The following SPAG16 variants were observed in gnomAD, a reference collection of about 807,000 sequenced individuals.
SPAG16 encodes sperm associated antigen 16.
A neutral mutation model predicts 80.4 loss-of-function variants in SPAG16; 86 were observed. The ratio of observed to expected loss-of-function variants is 1.07; its 90% CI spans 0.90 to 1.28. SPAG16 has a LOEUF of 1.28. Ranked by LOEUF, SPAG16 falls within the 50% of genes most tolerant of loss-of-function variation. The probability of loss-of-function intolerance (pLI) is 0.00; values close to 1 mark genes in which losing one functional copy is unlikely to be tolerated. For synonymous variants in SPAG16, 294 were observed against 265.9 expected, an observed-to-expected ratio of 1.11 and a Z score of -1.03; for missense variants, 870 against 765.3, an observed-to-expected ratio of 1.14 and a Z score of -1.61.
intron 13 of SPAG16, among the ~76,000 whole-genome samples, chr2:214,072,386 G>A (rs2050829352): frequency 6.6e-6 from 1 of 152,054 alleles, no homozygotes; most frequent in African/African-American, 2.4e-5. Flanking sequence ...TTAAAAAATT[G>A]CTGGCAGATA....
intron 10 of SPAG16, among the ~76,000 whole-genome samples, chr2:213,724,568 C>T (rs561910962): frequency 5.4e-4 from 82 of 151,266 alleles, no homozygotes; most frequent in Middle Eastern, 3.4e-3. Context: ...ACCTGAGGTC[C>T]GGAGTTCGAG....
rs146242154 is a variant in SPAG16 at position 214,027,592 on chromosome 2, A to G, written c.1527+13515A>G. Among the ~76,000 whole-genome samples the G allele has an allele frequency of 6.2e-4, 94 of 151,932 alleles. 1 individual carries two copies. The East Asian group carries it at 6.8e-3, about 11-fold the overall frequency. ...TATAAGATGTTGACAATTCCTAGCT[A>G]TATACTCTTTCCAGCAATCCATCTG... On this transcript the variant is annotated intron_variant, in intron 13 of 15. Transcript: ENST00000331683.
intron 10 of SPAG16, among the ~76,000 whole-genome samples, chr2:213,665,279 AC>A (rs1168313892): frequency 7.9e-5 from 12 of 152,082 alleles, no homozygotes; most frequent in Admixed American, 7.2e-4. Context: ...ATTTCACTGT[AC>A]AAAAAGGTTA....
chr2:213,721,145 GGC>G (rs2066515487), intron 10 of SPAG16, among the ~76,000 whole-genome samples: 1 of 151,994 alleles, frequency 6.6e-6, no homozygotes, highest in Non-Finnish European at 1.5e-5. Context: ...CTGTAACCCA[GGC>G]TGAGTGCAGT....
Position 214,410,496 on chromosome 2 carries a change from T to C in SPAG16, c.*181T>C, listed in dbSNP as rs76671747. On this transcript the variant is annotated 3_prime_UTR_variant, in exon 16 of 16. Transcript: ENST00000331683. Reference sequence around the variant, plus strand: ...TGTTACTAATAAAAAAATAACTTTATGCTCACCCATTTGTGTCAGGGTCTT... The same window carrying C: ...TGTTACTAATAAAAAAATAACTTTACGCTCACCCATTTGTGTCAGGGTCTT... The C allele has an allele frequency of 0.031, 14,541 of 465,940 alleles. 1,611 individuals are homozygous for C. The highest frequency in any genetic ancestry group is 0.25 in the African/African-American group (12,741 of 50,526). 28.9% of individuals were successfully genotyped at this position (465,940 alleles called of 1,614,324 possible). A position where few individuals can be genotyped will look rare whatever the true frequency, so the allele number is the denominator to read the frequency against.
intron 15 of SPAG16, among the ~76,000 whole-genome samples, chr2:214,383,455 C>G (rs1183002983): frequency 6.6e-6 from 1 of 151,684 alleles, no homozygotes; most frequent in South Asian, 2.1e-4. Flanking sequence ...CCTGTAGTCC[C>G]AGCTGCTTGG....
intron 10 of SPAG16, among the ~76,000 whole-genome samples, chr2:213,581,229 C>G (rs1195271542): frequency 1.3e-5 from 2 of 151,920 alleles, no homozygotes; most frequent in African/African-American, 2.4e-5. Flanking sequence ...TACTCTATTT[C>G]TTTTTTGAGA....
intron 15 of SPAG16, among the ~76,000 whole-genome samples, chr2:214,177,615 T>G (rs1166466893): frequency 6.6e-6 from 1 of 150,772 alleles, no homozygotes; most frequent in Non-Finnish European, 1.5e-5. Context: ...GTAAGAATTA[T>G]GACAGAAGGT....
chr2:214,338,338 A>G (rs1482883680), intron 15 of SPAG16, among the ~76,000 whole-genome samples: 2 of 151,780 alleles, frequency 1.3e-5, no homozygotes, highest in Non-Finnish European at 2.9e-5. Flanking sequence ...ATATGGTGAA[A>G]CCCCGTCTCT....
At chr2:213,390,712 T>C (rs2067697730) in intron 9 of SPAG16, among the ~76,000 whole-genome samples, 1 of 152,202 alleles carries the variant, frequency 6.6e-6, no homozygotes, top group Non-Finnish European at 1.5e-5. Context: ...CAGAGCTTAT[T>C]ATAAGAAAAA....
At chr2:213,908,920 C>G (rs1242413705) in intron 11 of SPAG16, among the ~76,000 whole-genome samples, 4 of 151,730 alleles carry the variant, frequency 2.6e-5, no homozygotes, top group Non-Finnish European at 2.9e-5. Flanking sequence ...CTATCCCTCC[C>G]TCCTCCCCCC....
At chr2:214,296,100 G>A (rs1283553866) in intron 15 of SPAG16, among the ~76,000 whole-genome samples, 1 of 151,996 alleles carries the variant, frequency 6.6e-6, no homozygotes, top group Non-Finnish European at 1.5e-5. Context: ...ACATCTTTAT[G>A]TCCATGTGTA....
intron 13 of SPAG16, among the ~76,000 whole-genome samples, chr2:214,044,467 G>A (rs2049203171): frequency 6.6e-6 from 1 of 152,074 alleles, no homozygotes; most frequent in Admixed American, 6.6e-5. Context: ...ATTATTTGGG[G>A]GAGGGTGGAA....
At chr2:213,831,135 G>A (rs754731395) in intron 10 of SPAG16, among the ~76,000 whole-genome samples, 37 of 146,172 alleles carry the variant, frequency 2.5e-4, no homozygotes, top group Non-Finnish European at 4.3e-4. Context: ...AGCCTCCTGA[G>A]TTCAAGCGAT....
At chr2:214,034,569 G>A (rs891982604) in intron 13 of SPAG16, among the ~76,000 whole-genome samples, 3 of 152,214 alleles carry the variant, frequency 2.0e-5, no homozygotes, top group Admixed American at 6.5e-5. Flanking sequence ...GACAGCATGG[G>A]GTCTAGCCAC....
intron 15 of SPAG16, among the ~76,000 whole-genome samples, chr2:214,356,967 A>G (rs1368450596): frequency 6.6e-6 from 1 of 151,808 alleles, no homozygotes; most frequent in Non-Finnish European, 1.5e-5. Context: ...TGTCTCTAAT[A>G]CCCTCATTTT....
chr2:214,133,448 C>T (rs186064797), intron 14 of SPAG16, among the ~76,000 whole-genome samples: 254 of 152,158 alleles, frequency 1.7e-3, no homozygotes, highest in Admixed American at 3.2e-3. Flanking sequence ...CACTTAAGGT[C>T]AGGAGTTCGA....
chr2:213,932,339 C>T (rs532359074), intron 12 of SPAG16, among the ~76,000 whole-genome samples: 1 of 151,558 alleles, frequency 6.6e-6, no homozygotes, highest in African/African-American at 2.4e-5. Flanking sequence ...CCTCAGCCTC[C>T]CGAGTAGCTG....
intron 9 of SPAG16, among the ~76,000 whole-genome samples, chr2:213,387,135 A>G (rs1388326367): frequency 6.6e-6 from 1 of 152,090 alleles, no homozygotes; most frequent in Non-Finnish European, 1.5e-5. Context: ...TAGAAGGGAA[A>G]AAAAGGATCA....
Sources: gnomAD v4.1 joint callset for allele counts (sites outside exome capture counted in the v4.1 genomes callset) on GRCh38, gnomAD v4.1.1 for gene constraint, MANE v1.5 for transcripts, NCBI Gene and HGNC (gene_info 2026-07-23, HGNC 2026-07-21) for gene names.